CD302: variants seen among roughly 807,000 people sequenced by gnomAD.
The protein encoded by CD302 is CD302 molecule.
CD302 carries 23 observed loss-of-function variants against 26.5 expected under a neutral mutation model. The ratio of observed to expected loss-of-function variants is 0.87; its 90% CI spans 0.62 to 1.23. CD302 has a LOEUF of 1.23. Ranked by LOEUF, CD302 falls within the 50% of genes most tolerant of loss-of-function variation. CD302 has a pLI of 0.00. For missense variants in CD302, 290 were observed against 275.5 expected, an observed-to-expected ratio of 1.05 and a Z score of -0.37; for synonymous variants, 90 against 99.4, an observed-to-expected ratio of 0.91 and a Z score of 0.56.
intron 3 of CD302, 98 bp downstream of exon 3, chr2:159,780,784 G>GTGT: frequency 9.0e-7 from 1 of 1,112,960 alleles, no homozygotes; most frequent in Admixed American, 2.0e-5. Flanking sequence ...GAGGCCACAG[G>GTGT]AATCATCAAC....
At chr2:159,793,992 A>G (rs1708876388) in intron 1 of CD302, among the ~76,000 whole-genome samples, 1 of 151,734 alleles carries the variant, frequency 6.6e-6, no homozygotes, top group South Asian at 2.1e-4. Flanking sequence ...CAGGCGTGGC[A>G]GTTCACACCT....
intron 5 of CD302, among the ~76,000 whole-genome samples, chr2:159,775,429 G>C (rs373473104): frequency 1.3e-5 from 2 of 152,120 alleles, no homozygotes; most frequent in African/African-American, 4.8e-5. Context: ...CAACTTATGT[G>C]TATCTTTATT....
chr2:159,777,116 C>T (rs1708358384), intron 5 of CD302, among the ~76,000 whole-genome samples: 1 of 151,952 alleles, frequency 6.6e-6, no homozygotes, highest in Non-Finnish European at 1.5e-5. Flanking sequence ...CTGGGCATGG[C>T]GGCCCACACC....
rs1560039318 is a variant in CD302, at chr2:159,771,866, A to G, written c.684T>C (p.Pro228=). The G allele has an allele frequency of 3.1e-6, 5 of 1,613,796 alleles. No homozygotes were observed. The change falls in exon 6 of 6, where the codon CCT becomes CCC. Residue 228 remains proline (P), a synonymous_variant. Coordinates refer to ENST00000259053, the MANE Select transcript of CD302 (RefSeq NM_014880.5). ...VLVVGEENEY[P]VQFD ...TACCAAAAACTTAGTCAAATTGAACAGGATATTCATTTTCTTCTCCAACTA... is the reference window on the plus strand; with the variant it reads ...TACCAAAAACTTAGTCAAATTGAACGGGATATTCATTTTCTTCTCCAACTA...
intron 1 of CD302, among the ~76,000 whole-genome samples, chr2:159,794,601 T>C (rs1048981370): frequency 6.6e-6 from 1 of 151,772 alleles, no homozygotes. Context: ...CAGGCTGGAG[T>C]GCAGTGGCGC....
chr2:159,774,754 G>C (rs186569859), intron 5 of CD302, among the ~76,000 whole-genome samples: 1 of 152,290 alleles, frequency 6.6e-6, no homozygotes, highest in African/African-American at 2.4e-5. Context: ...TGCCACACTA[G>C]GTGCATCCGA....
At chr2:159,786,496 G>C (rs1273007385) in intron 1 of CD302, among the ~76,000 whole-genome samples, 2 of 151,996 alleles carry the variant, frequency 1.3e-5, no homozygotes, top group Non-Finnish European at 2.9e-5. Flanking sequence ...ACCACACCCA[G>C]CTAATTTTTG....
rs17815040 is a variant in CD302, at chr2:159,770,469, G to A, written c.*1382C>T. The A allele has an allele frequency of 0.25, 37,943 of 152,068 alleles. 6,092 individuals are homozygous for A. The highest frequency in any genetic ancestry group is 0.43 in the Admixed American group (6,522 of 15,254). The allele number at this position is 152,068 out of a possible 1,614,324, so 9.4% of individuals were successfully genotyped here. On this transcript the variant is annotated 3_prime_UTR_variant, in exon 6 of 6. Transcript: ENST00000259053. ...TGGTCAATAAAAAGAGACTACACAA[G>A]CTGGAACTTTGTTGCCATTAGTCAA...
intron 5 of CD302, among the ~76,000 whole-genome samples, chr2:159,776,587 G>A (rs763036666): frequency 5.3e-5 from 8 of 151,896 alleles, no homozygotes; most frequent in Non-Finnish European, 1.0e-4. Context: ...ATAGATTAAT[G>A]AGGATGTAAT....
rs1205715187 is a variant in CD302, at chr2:159,771,040, T to TTAAG, written c.*807_*810dup. Reference sequence around the variant, plus strand: ...TTGATCACTGTCACTACAGTTGTACTTAAGTGTTTTTCTTCGGTTTTTGCT... The same window carrying TTAAG: ...TTGATCACTGTCACTACAGTTGTACTTAAGTAAGTGTTTTTCTTCGGTTTTTGCT... On this transcript the variant is annotated 3_prime_UTR_variant, in exon 6 of 6. Coordinates refer to ENST00000259053, the MANE Select transcript of CD302 (RefSeq NM_014880.5). The TTAAG allele has an allele frequency of 6.6e-6, 1 of 152,204 alleles. No homozygotes were observed. The highest frequency in any genetic ancestry group is 1.5e-5 in the Non-Finnish European group (1 of 68,016). 9.4% of individuals were successfully genotyped at this position (152,204 alleles called of 1,614,324 possible).
chr2:159,777,907 G>T, intron 5 of CD302, 31 bp downstream of exon 5: 1 of 990,380 alleles, frequency 1.0e-6, no homozygotes, highest in Non-Finnish European at 1.5e-6. Flanking sequence ...TTTAATTGTG[G>T]GAAAAATTTA....
At chr2:159,794,439 A>C (rs934847364) in intron 1 of CD302, among the ~76,000 whole-genome samples, 2 of 151,454 alleles carry the variant, frequency 1.3e-5, no homozygotes, top group Admixed American at 6.6e-5. Flanking sequence ...CTCAACAGTA[A>C]AAGAAGTCCT....
At chr2:159,779,980 GA>G in intron 4 of CD302, 24 bp downstream of exon 4, 1 of 1,597,702 alleles carries the variant, frequency 6.3e-7, no homozygotes, top group Middle Eastern at 1.7e-4. Flanking sequence ...TTCTAGAATG[GA>G]AAAACACCTT....
rs112352338 is a variant in CD302, at chr2:159,783,492, C to T, written c.68-23G>A. The T allele has an allele frequency of 9.7e-4, 1,499 of 1,539,860 alleles. 9 individuals carry two copies. The African/African-American group carries it at 0.018, about 19-fold the overall frequency. ...AGTCTATGTAGAAAAAAGAAGAACACTGTTAAATAACTTGAGAAAAAGAAT... is the reference window on the plus strand; with the variant it reads ...AGTCTATGTAGAAAAAAGAAGAACATTGTTAAATAACTTGAGAAAAAGAAT... On this transcript the variant is annotated intron_variant, in intron 1 of 5. Transcript: ENST00000259053.
At chr2:159,797,227 G>GT (rs1682463663) in intron 1 of CD302, among the ~76,000 whole-genome samples, 1 of 133,298 alleles carries the variant, frequency 7.5e-6, no homozygotes. Flanking sequence ...AGGGGTGGGG[G>GT]GGGGGAATCT....
At chr2:159,797,992 C>CG in intron 1 of CD302, 140 bp downstream of exon 1, 1 of 748,902 alleles carries the variant, frequency 1.3e-6, no homozygotes, top group Non-Finnish European at 2.0e-6. Context: ...GGGGGACGGG[C>CG]GTGCAGGGAA....
intron 3 of CD302, 134 bp downstream of exon 3, chr2:159,780,748 G>A (rs1330894019): frequency 1.3e-6 from 1 of 780,686 alleles, no homozygotes; most frequent in Non-Finnish European, 2.2e-6. Context: ...TATGATCATA[G>A]GTGCACACTG....
chr2:159,796,724 A>C (rs1708963962), intron 1 of CD302, among the ~76,000 whole-genome samples: 1 of 152,242 alleles, frequency 6.6e-6, no homozygotes, highest in Non-Finnish European at 1.5e-5. Context: ...AAAAATTTCC[A>C]AAGGGAAATT....
Position 159,780,172 on chromosome 2 carries a change from C to G in CD302, c.302G>C (p.Ser101Thr), listed in dbSNP as rs756081226. The change falls in exon 4 of 6, where the codon AGT (serine) becomes ACT (threonine). Residue 101 changes from serine to threonine, a missense_variant. Transcript: ENST00000259053. ...LGMFYDTDDA[S>T]FKWFDNSNMT... is the part of the protein sequence containing the mutation. ...ATTTGAATTATCAAACCACTTGAAA[C>G]TCGCATCTGTCAATTAAGGAATATT... The G allele has an allele frequency of 7.4e-6, 12 of 1,613,082 alleles. No individual in the cohort carries two copies. The Admixed American group carries it at 2.0e-4, about 27-fold the overall frequency.
Sources: allele counts gnomAD v4.1 joint callset (sites outside exome capture counted in the v4.1 genomes callset), GRCh38; gene constraint gnomAD v4.1.1; transcripts MANE v1.5; gene names NCBI Gene and HGNC (gene_info 2026-07-23, HGNC 2026-07-21).